Variants in SLC16A6 observed in about 807,000 individuals in gnomAD.
SLC16A6 encodes the protein monocarboxylate transporter 7.
In SLC16A6, 15 loss-of-function variants were observed where a neutral mutation model predicts 33.8. The observed-to-expected ratio is 0.44, with a 90% CI of 0.30 to 0.68. The LOEUF is 0.68. Ranked by LOEUF, SLC16A6 falls within the 30% of genes least tolerant of loss-of-function variation. The pLI is 0.10. For missense variants in SLC16A6, 451 were observed against 661.5 expected (o/e 0.68, Z 3.49); for synonymous variants, 219 against 248.4 (o/e 0.88, Z 1.11).
chr17:68,274,786 T>C (rs1489858385), intron 2 of SLC16A6, among the ~76,000 whole-genome samples: 1 of 156 alleles, frequency 6.4e-3, no homozygotes, highest in African/African-American at 0.011. Flanking sequence ...GTTTCTTTCT[T>C]TTTTTTTTTT....
At chr17:68,291,145 TC>T, upstream of SLC16A6, 1 of 151,956 alleles carries the variant, frequency 6.6e-6, no homozygotes. Context: ...AGGCTTGGCC[TC>T]CCCCTCCTTA....
chr17:68,283,426 C>T (rs1362894073), intron 1 of SLC16A6, among the ~76,000 whole-genome samples: 1 of 151,478 alleles, frequency 6.6e-6, no homozygotes, highest in African/African-American at 2.4e-5. Context: ...GAGGCTGAGG[C>T]AGGAGAATGG....
chr17:68,276,670 T>C (rs2075533529), intron 2 of SLC16A6, among the ~76,000 whole-genome samples: 1 of 152,056 alleles, frequency 6.6e-6, no homozygotes, highest in African/African-American at 2.4e-5. Context: ...CCCAGGCTAG[T>C]CTCAAACTCT....
rs782557785 is a variant in SLC16A6, at chr17:68,269,083, G to C, written c.*13C>G. The C allele has an allele frequency of 5.8e-6, 9 of 1,553,532 alleles. No homozygotes were observed. Among genetic ancestry groups the C allele is most frequent in the Non-Finnish European group, 7.8e-6 (9 of 1,152,856 alleles). On this transcript the variant is annotated 3_prime_UTR_variant, in exon 6 of 6. Coordinates refer to ENST00000580666, the MANE Select transcript of SLC16A6 (RefSeq NM_004694.5). ...TCCAGCCAACACAGTGGCTGTTGTT[G>C]TAAGAAAGTGTGTCATACCGGCTCC...
In SLC16A6 at chr17:68,278,078, G is replaced by C; in HGVS notation, c.232+11C>G. ...TACTTACGTCATGGTTAGGCCGAAA[G>C]ATGTACTAACCTGAAAATGTTAAGA... is the stretch of plus-strand genomic sequence containing the variant. On this transcript the variant is annotated intron_variant, in intron 2 of 5. Coordinates refer to ENST00000580666, the MANE Select transcript of SLC16A6 (RefSeq NM_004694.5). 1.9e-6 allele frequency: 3 copies of C among 1,589,488 alleles called. No homozygotes were observed. The South Asian group carries it at 3.3e-5, about 18-fold the overall frequency.
chr17:68,286,697 G>C (rs1485912760), intron 1 of SLC16A6, among the ~76,000 whole-genome samples: 3 of 151,990 alleles, frequency 2.0e-5, no homozygotes, highest in African/African-American at 7.3e-5. Context: ...TAGAGATGAG[G>C]TTTCAGTATG....
chr17:68,286,572 T>C (rs2075847233), intron 1 of SLC16A6, among the ~76,000 whole-genome samples: 1 of 152,176 alleles, frequency 6.6e-6, no homozygotes, highest in South Asian at 2.1e-4. Flanking sequence ...TGGCACGATC[T>C]TGGCTCACTG....
In SLC16A6 at chr17:68,271,999, C is replaced by T. The variant is rs552715639; in HGVS notation, c.506-345G>A. Among the ~76,000 whole-genome samples the T allele has an allele frequency of 1.1e-4, 16 of 152,276 alleles. No homozygotes were observed. In the South Asian group the frequency reaches 3.3e-3, roughly 32 times the overall value. On this transcript the variant is annotated intron_variant, in intron 4 of 5. Transcript: ENST00000580666. This position sits in a 1 kb window ranked among gnomAD's most constrained non-coding sequence, Gnocchi z 5.3. ...TGTATTTTTAGTAGAGACAGGGTTT[C>T]ACTGTGTTGGCCAGGATGGTCTCGA...
intron 3 of SLC16A6, among the ~76,000 whole-genome samples, chr17:68,273,177 A>C (rs1238568559): frequency 6.6e-6 from 1 of 151,946 alleles, no homozygotes; most frequent in African/African-American, 2.4e-5. Flanking sequence ...ATCATCTATG[A>C]GGAATATATG....
At chr17:68,273,836 A>G (rs1555749944) in intron 3 of SLC16A6, 91 bp downstream of exon 3, 2 of 1,440,406 alleles carry the variant, frequency 1.4e-6, no homozygotes, top group African/African-American at 2.8e-5. Context: ...AAAGAGAAAG[A>G]AATATAGTTT....
chr17:68,269,818 T>C (rs1555747873), intron 5 of SLC16A6, among the ~76,000 whole-genome samples: 1 of 151,718 alleles, frequency 6.6e-6, no homozygotes, highest in Non-Finnish European at 1.5e-5. Flanking sequence ...GGATTAGAGG[T>C]GTCTGCCACC....
intron 2 of SLC16A6, among the ~76,000 whole-genome samples, chr17:68,275,276 G>A (rs986958638): frequency 1.4e-4 from 22 of 151,970 alleles, no homozygotes; most frequent in African/African-American, 4.6e-4. Flanking sequence ...CAACAGTGAC[G>A]TAAGTGAGCC....
intron 1 of SLC16A6, among the ~76,000 whole-genome samples, chr17:68,284,125 A>G (rs1555753728): frequency 6.7e-6 from 1 of 149,078 alleles, no homozygotes; most frequent in East Asian, 1.9e-4. Flanking sequence ...AAAAAAAAAA[A>G]GCTGGGCGCA....
rs1555748426 is a variant in SLC16A6 at position 68,271,131 on chromosome 17, T to C, written c.1029A>G (p.Gly343=). 2 of 1,614,108 alleles carry C rather than the reference T, an allele frequency of 1.2e-6. No individual in the cohort carries two copies. Among genetic ancestry groups the C allele is most frequent in the Non-Finnish European group, 1.7e-6 (2 of 1,180,018 alleles). Residue 343 remains glycine, a synonymous_variant, in exon 5 of 6, where the codon GGA becomes GGG. Coordinates refer to ENST00000580666, the MANE Select transcript of SLC16A6 (RefSeq NM_004694.5). This position sits in a 1 kb window ranked among gnomAD's most constrained non-coding sequence, Gnocchi z 5.3. ...LSTMAIAEVF[G]RIGAGFVLNR... is the part of the protein sequence containing the mutation. ...TGAGGACAAAACCAGCTCCGATCCTTCCGAAAACTTCTGCAATGGCCATCG... is the reference window on the plus strand; with the variant it reads ...TGAGGACAAAACCAGCTCCGATCCTCCCGAAAACTTCTGCAATGGCCATCG...
chr17:68,277,391 A>G (rs1371090168), intron 2 of SLC16A6, among the ~76,000 whole-genome samples: 1 of 151,224 alleles, frequency 6.6e-6, no homozygotes, highest in Non-Finnish European at 1.5e-5. Flanking sequence ...CGGCTTTCCA[A>G]AGTGCTGGGA....
rs546822866 is a variant in SLC16A6, at chr17:68,272,201, G to A, written c.505+438C>T. 1.1e-4 allele frequency among the ~76,000 whole-genome samples: 17 copies of A among 152,280 alleles called. No homozygotes were observed. The South Asian group carries it at 3.5e-3, about 32-fold the overall frequency. On this transcript the variant is annotated intron_variant, in intron 4 of 5. Coordinates refer to ENST00000580666, the MANE Select transcript of SLC16A6 (RefSeq NM_004694.5). ...GATCCGCCCACCTCAGCCTCCCAAAGTGCTGGGATTACAGGTGTAAGCCAC... is the reference window on the plus strand; with the variant it reads ...GATCCGCCCACCTCAGCCTCCCAAAATGCTGGGATTACAGGTGTAAGCCAC...
chr17:68,289,653 T>C (rs782521388), intron 1 of SLC16A6, among the ~76,000 whole-genome samples: 5 of 152,188 alleles, frequency 3.3e-5, no homozygotes, highest in Non-Finnish European at 5.9e-5. Flanking sequence ...TTAAAAAAAA[T>C]TTCCAAACCT....
At chr17:68,278,370 G>T (rs1005371741) in intron 1 of SLC16A6, 43 bp from the exon 2 acceptor site, 3 of 1,279,306 alleles carry the variant, frequency 2.3e-6, no homozygotes, top group Non-Finnish European at 2.3e-6. Context: ...GCAATAGCAT[G>T]AGGATCGATG....
intron 1 of SLC16A6, among the ~76,000 whole-genome samples, chr17:68,284,659 A>C (rs1555753859): frequency 6.6e-6 from 1 of 152,186 alleles, no homozygotes; most frequent in Non-Finnish European, 1.5e-5. Context: ...TTACTCTACA[A>C]ATCTTAAAAA....
Sources: allele counts gnomAD v4.1 joint callset (sites outside exome capture counted in the v4.1 genomes callset), GRCh38; gene constraint gnomAD v4.1.1; non-coding constraint Gnocchi (gnomAD v3.1); transcripts MANE v1.5; gene names NCBI Gene and HGNC (gene_info 2026-07-23, HGNC 2026-07-21).